HRH1: variants seen among roughly 807,000 people sequenced by gnomAD.
HRH1 encodes the protein histamine H1 receptor.
A neutral mutation model predicts 10.3 loss-of-function variants in HRH1; 6 were observed. That is an observed-to-expected ratio of 0.58 (90% CI 0.32 to 1.15). The LOEUF (loss-of-function observed/expected upper bound fraction) is 1.15. Among genes scored for constraint, HRH1 ranks in the 50% most tolerant of loss-of-function variants. The pLI is 0.05. For missense variants in HRH1, 514 were observed against 615.3 expected, an observed-to-expected ratio of 0.84 and a Z score of 1.74; for synonymous variants, 242 against 236.7, an observed-to-expected ratio of 1.02 and a Z score of -0.21.
chr3:11,212,956 T>C (rs1363595132), intron 1 of HRH1, among the ~76,000 whole-genome samples: 1 of 152,188 alleles, frequency 6.6e-6, no homozygotes, highest in Non-Finnish European at 1.5e-5. Context: ...GCATAGGCTG[T>C]TCCCACCTCC....
chr3:11,259,436 C>T lies in HRH1; in HGVS notation c.399C>T (p.Leu133=). 6.2e-7 allele frequency: 1 copy of T among 1,613,928 alleles called. No individual in the cohort carries two copies. The highest frequency in any genetic ancestry group is 8.5e-7 in the Non-Finnish European group (1 of 1,179,954). The change falls in exon 2 of 2, where the codon CTC becomes CTT. Residue 133 remains leucine (L), a synonymous_variant. Transcript: ENST00000431010. This position sits in a 1 kb window ranked among gnomAD's most constrained non-coding sequence, Gnocchi z 4.6. ...IDRYRSVQQP[L]RYLKYRTKTR... is the part of the protein sequence containing the mutation. ...GCTACCGCTCTGTCCAGCAGCCCCT[C>T]AGGTACCTTAAGTATCGTACCAAGA...
At chr3:11,171,177 C>A (rs1193890270) in intron 1 of HRH1, among the ~76,000 whole-genome samples, 2 of 149,298 alleles carry the variant, frequency 1.3e-5, no homozygotes, top group African/African-American at 5.0e-5. Flanking sequence ...AGTGCAGTGG[C>A]ACAATCTCAG....
upstream of HRH1, among the ~76,000 whole-genome samples, chr3:11,152,603 C>T (rs1936661766): frequency 6.8e-6 from 1 of 147,568 alleles, no homozygotes; most frequent in East Asian, 2.0e-4. Flanking sequence ...CCCAGGCTTC[C>T]CCCACCCGCC....
At chr3:11,257,423 G>A (rs1309861699) in intron 1 of HRH1, among the ~76,000 whole-genome samples, 2 of 151,792 alleles carry the variant, frequency 1.3e-5, no homozygotes, top group Non-Finnish European at 2.9e-5. Context: ...AGCCGGGTGT[G>A]GTGGCACACT....
At chr3:11,164,326 T>C (rs546884354) in intron 1 of HRH1, among the ~76,000 whole-genome samples, 1 of 152,148 alleles carries the variant, frequency 6.6e-6, no homozygotes, top group Non-Finnish European at 1.5e-5. Flanking sequence ...GGAGATGTGA[T>C]GGGGTGGGCG....
chr3:11,140,746 C>T (rs1250440841), intron 1 of HRH1, among the ~76,000 whole-genome samples: 1 of 152,192 alleles, frequency 6.6e-6, no homozygotes, highest in East Asian at 1.9e-4. Flanking sequence ...CACACAACTT[C>T]CCTGACCTCA....
At chr3:11,186,611 G>T (rs1232868554) in intron 1 of HRH1, among the ~76,000 whole-genome samples, 5 of 152,196 alleles carry the variant, frequency 3.3e-5, no homozygotes, top group Non-Finnish European at 7.3e-5. Context: ...TCCCTGCCTT[G>T]GAGGTCGGGA....
intron 1 of HRH1, among the ~76,000 whole-genome samples, chr3:11,165,590 A>C (rs138157779): frequency 3.0e-4 from 45 of 152,278 alleles, no homozygotes; most frequent in African/African-American, 1.0e-3. Context: ...TTGAACATTC[A>C]AGGTTTGGAA....
At chr3:11,195,458 C>T (rs1186744599) in intron 1 of HRH1, among the ~76,000 whole-genome samples, 1 of 152,158 alleles carries the variant, frequency 6.6e-6, no homozygotes, top group East Asian at 1.9e-4. Flanking sequence ...TGTGGTTCCT[C>T]AATCCCCCAC....
intron 1 of HRH1, among the ~76,000 whole-genome samples, chr3:11,242,480 C>CAAAAAAAAAAAAAAAAAAAAAAA (rs35809891): frequency 2.0e-5 from 1 of 50,362 alleles, no homozygotes. Context: ...GACTCCGTCT[C>CAAAAAAAAAAAAAAAAAAAAAAA]AAAAAAAAAA....
At chr3:11,142,278 T>C (rs1434845327) in intron 1 of HRH1, among the ~76,000 whole-genome samples, 1 of 152,242 alleles carries the variant, frequency 6.6e-6, no homozygotes, top group Admixed American at 6.5e-5. Context: ...CATTGATTTG[T>C]AGGACACCTT....
At chr3:11,215,997 A>G (rs1938479063) in intron 1 of HRH1, among the ~76,000 whole-genome samples, 2 of 152,068 alleles carry the variant, frequency 1.3e-5, no homozygotes, top group Non-Finnish European at 2.9e-5. Context: ...GTGGGATTCC[A>G]TGTTAGGGAT....
At chr3:11,167,843 G>A (rs1413196105) in intron 1 of HRH1, among the ~76,000 whole-genome samples, 1 of 152,210 alleles carries the variant, frequency 6.6e-6, no homozygotes. Context: ...GCCAGGCCTT[G>A]CCCATTCACT....
upstream of HRH1, among the ~76,000 whole-genome samples, chr3:11,150,573 C>A (rs978847240): frequency 6.6e-6 from 1 of 152,246 alleles, no homozygotes; most frequent in African/African-American, 2.4e-5. Flanking sequence ...ACCTTAAGGG[C>A]TTTGTGATTT....
intron 1 of HRH1, among the ~76,000 whole-genome samples, chr3:11,177,955 GA>G (rs1431682673): frequency 6.6e-6 from 1 of 152,150 alleles, no homozygotes; most frequent in Non-Finnish European, 1.5e-5. Flanking sequence ...ATTTGTCCAA[GA>G]GTTCCATCGG....
intron 1 of HRH1, among the ~76,000 whole-genome samples, chr3:11,169,723 T>C (rs1937116544): frequency 6.6e-6 from 1 of 152,190 alleles, no homozygotes; most frequent in African/African-American, 2.4e-5. Context: ...AAGCTCCCCA[T>C]CCCATCTCCA....
chr3:11,190,194 A>G (rs1239182160), intron 1 of HRH1, among the ~76,000 whole-genome samples: 1 of 151,814 alleles, frequency 6.6e-6, no homozygotes, highest in Non-Finnish European at 1.5e-5. Flanking sequence ...CAGAATGTCC[A>G]AAGAGGGAAT....
intron 1 of HRH1, among the ~76,000 whole-genome samples, chr3:11,232,222 A>G (rs1192789924): frequency 6.6e-6 from 1 of 152,082 alleles, no homozygotes; most frequent in Non-Finnish European, 1.5e-5. Flanking sequence ...TCTTGACCTC[A>G]TGATCCACTT....
Position 11,259,089 on chromosome 3 carries a change from AACAAG to A in HRH1, c.55_59del (p.Lys19HisfsTer35). 1 of 1,613,152 alleles carries A rather than the reference AACAAG, an allele frequency of 6.2e-7. No homozygotes were observed. Among genetic ancestry groups the A allele is most frequent in the East Asian group, 2.2e-5 (1 of 44,878 alleles). On this transcript the variant is annotated frameshift_variant, in exon 2 of 2. Coordinates refer to ENST00000431010, the MANE Select transcript of HRH1 (RefSeq NM_001098212.2). LOFTEE classifies it low-confidence loss of function (END_TRUNC). This position sits in a 1 kb window ranked among gnomAD's most constrained non-coding sequence, Gnocchi z 4.6. ...CTTAGAAGACAAGATGTGTGAGGGC[AACAAG>A]ACCACTATGGCCAGCCCCCAGCTGA...
Sources: allele counts gnomAD v4.1 joint callset (sites outside exome capture counted in the v4.1 genomes callset), GRCh38; gene constraint gnomAD v4.1.1; non-coding constraint Gnocchi (gnomAD v3.1); transcripts MANE v1.5; gene names NCBI Gene and HGNC (gene_info 2026-07-23, HGNC 2026-07-21).